ATP8A2: variants seen among roughly 807,000 people sequenced by gnomAD.
The protein encoded by ATP8A2 is phospholipid-transporting ATPase IB.
ATP8A2 carries 100 observed loss-of-function variants against 165.6 expected under a neutral mutation model. That is an observed-to-expected ratio of 0.60 (90% confidence interval 0.51 to 0.71). ATP8A2 has a LOEUF of 0.71. ATP8A2 is among the 30% of genes least tolerant of loss of function. The pLI is 0.00. For synonymous variants in ATP8A2, 543 were observed against 548.8 expected, an observed-to-expected ratio of 0.99 and a Z score of 0.15; for missense variants, 1,227 against 1,479.5, an observed-to-expected ratio of 0.83 and a Z score of 2.80.
chr13:25,721,512 A>G (rs1393485885), intron 25 of ATP8A2, among the ~76,000 whole-genome samples: 1 of 152,162 alleles, frequency 6.6e-6, no homozygotes, highest in African/African-American at 2.4e-5. Context: ...TCTTTAATCC[A>G]TTTTGACTTG....
At chr13:25,657,712 A>G (rs563994647) in intron 24 of ATP8A2, among the ~76,000 whole-genome samples, 1 of 152,358 alleles carries the variant, frequency 6.6e-6, no homozygotes, top group South Asian at 2.1e-4. Flanking sequence ...TTACTCTAGA[A>G]TCTTTGGGTA....
rs1298874729 is a variant in ATP8A2, at chr13:25,839,584, C to G, written c.2916C>G (p.Ser972=). 1 of 1,614,080 alleles carries G rather than the reference C, an allele frequency of 6.2e-7. No individual in the cohort carries two copies. Among genetic ancestry groups the G allele is most frequent in the East Asian group, 2.2e-5 (1 of 44,866 alleles). The part of the protein sequence containing the change: ...WGHCINALVH[S]LILFWFPMKA... ...ACTGCATCAACGCCTTGGTCCACTC[C>G]CTCATCCTCTTCTGGTTTCCCATGA... Residue 972 remains serine (S), a synonymous_variant, in exon 30 of 37, where the codon TCC becomes TCG. Transcript: ENST00000381655.
chr13:25,675,876 C>T (rs2042362050), intron 24 of ATP8A2, among the ~76,000 whole-genome samples: 3 of 152,154 alleles, frequency 2.0e-5, no homozygotes, highest in South Asian at 2.1e-4. Context: ...TTAATCATTT[C>T]CCCCTTTGAT....
intron 24 of ATP8A2, among the ~76,000 whole-genome samples, chr13:25,608,248 C>T (rs2040568759): frequency 6.6e-6 from 1 of 152,130 alleles, no homozygotes; most frequent in Non-Finnish European, 1.5e-5. Context: ...GGGCCTGAAC[C>T]CCACAATGGG....
At chr13:25,836,560 C>T (rs890274562) in intron 28 of ATP8A2, among the ~76,000 whole-genome samples, 2 of 152,176 alleles carry the variant, frequency 1.3e-5, no homozygotes, top group African/African-American at 4.8e-5. Context: ...CAGAGCTCCG[C>T]GTTTTGTATA....
At chr13:25,744,326 C>A (rs989739625) in intron 25 of ATP8A2, among the ~76,000 whole-genome samples, 3 of 146,778 alleles carry the variant, frequency 2.0e-5, no homozygotes, top group Admixed American at 1.3e-4. Flanking sequence ...TCACTCACCA[C>A]CCCCCCGTGT....
intron 25 of ATP8A2, among the ~76,000 whole-genome samples, chr13:25,713,238 G>C (rs2043189038): frequency 6.6e-6 from 1 of 152,136 alleles, no homozygotes; most frequent in African/African-American, 2.4e-5. Flanking sequence ...TAACTTGAAA[G>C]GCATTTTTTA....
chr13:25,547,123 C>T lies in ATP8A2; in HGVS notation c.891+3721C>T, dbSNP rs1476612895. On this transcript the variant is annotated intron_variant, in intron 10 of 36. Transcript: ENST00000381655. ...CCAGCCTGGGTGACAGAGCCAGGCT[C>T]CGTCTCGAAATAAATAAATAAATAA... 1.5e-4 allele frequency among the ~76,000 whole-genome samples: 22 copies of T among 151,676 alleles called. 1 individual carries two copies. Among genetic ancestry groups the T allele is most frequent in the Admixed American group, 1.4e-3 (22 of 15,210 alleles).
intron 2 of ATP8A2, among the ~76,000 whole-genome samples, chr13:25,481,012 C>A (rs951431300): frequency 1.1e-4 from 16 of 152,160 alleles, no homozygotes; most frequent in Non-Finnish European, 2.2e-4. Context: ...GAAAACCAGT[C>A]AGGCGTGGCA....
intron 24 of ATP8A2, among the ~76,000 whole-genome samples, chr13:25,628,942 A>G (rs1289596262): frequency 6.6e-6 from 1 of 152,094 alleles, no homozygotes; most frequent in Non-Finnish European, 1.5e-5. Context: ...CATGAGAGGG[A>G]ACATCACATC....
intron 27 of ATP8A2, among the ~76,000 whole-genome samples, chr13:25,808,289 C>T (rs1295274214): frequency 6.6e-6 from 1 of 151,858 alleles, no homozygotes; most frequent in Non-Finnish European, 1.5e-5. Context: ...ACTACCATGT[C>T]CAGCTAAATG....
intron 3 of ATP8A2, 36 bp from the exon 4 acceptor site, chr13:25,530,526 G>A (rs1165438738): frequency 1.6e-6 from 2 of 1,274,124 alleles, no homozygotes; most frequent in Non-Finnish European, 2.2e-6. Flanking sequence ...GATTTTTAAT[G>A]TGCCAACTTC....
chr13:25,904,761 ACAC>A lies in ATP8A2; in HGVS notation c.3183+42356_3183+42358del, dbSNP rs1953879841. On this transcript the variant is annotated intron_variant, in intron 33 of 36. Coordinates refer to ENST00000381655, the MANE Select transcript of ATP8A2 (RefSeq NM_016529.6). ...ACATTGTGTGTCATATCCATATCCTACACCATTGGAGTTCCTCATTCTCTCATC... is the reference window on the plus strand; with the variant it reads ...ACATTGTGTGTCATATCCATATCCTACATTGGAGTTCCTCATTCTCTCATC... Among the ~76,000 whole-genome samples, 8 of 152,278 alleles carry A rather than the reference ACAC, an allele frequency of 5.3e-5. No individual in the cohort carries two copies. In the South Asian group the frequency reaches 1.5e-3, roughly 28 times the overall value.
chr13:25,744,362 G>A (rs562613917), intron 25 of ATP8A2, among the ~76,000 whole-genome samples: 3 of 151,738 alleles, frequency 2.0e-5, no homozygotes, highest in East Asian at 3.9e-4. Context: ...TCTGTGAGCC[G>A]GTGGCTCAGC....
chr13:25,590,143 G>T (rs1161741020), intron 24 of ATP8A2, among the ~76,000 whole-genome samples: 1 of 152,174 alleles, frequency 6.6e-6, no homozygotes, highest in African/African-American at 2.4e-5. Context: ...TATATAGTGA[G>T]GCCAGGTGCA....
chr13:25,631,013 A>G (rs1421739835), intron 24 of ATP8A2, among the ~76,000 whole-genome samples: 1 of 152,190 alleles, frequency 6.6e-6, no homozygotes, highest in African/African-American at 2.4e-5. Flanking sequence ...CTGTATTGTC[A>G]TAGCTTAATT....
At chr13:25,417,091 T>C (rs762840750) in intron 1 of ATP8A2, among the ~76,000 whole-genome samples, 1 of 152,150 alleles carries the variant, frequency 6.6e-6, no homozygotes, top group Non-Finnish European at 1.5e-5. Context: ...ACTTTAATTA[T>C]GAAGTATTGA....
At chr13:25,962,618 G>T (rs200208649) in intron 34 of ATP8A2, among the ~76,000 whole-genome samples, 1 of 152,132 alleles carries the variant, frequency 6.6e-6, no homozygotes, top group East Asian at 1.9e-4. Context: ...ACAAATAGGT[G>T]CCAACTTCTC....
At chr13:25,410,860 C>T (rs1047739849) in intron 1 of ATP8A2, among the ~76,000 whole-genome samples, 9 of 152,240 alleles carry the variant, frequency 5.9e-5, no homozygotes, top group African/African-American at 2.2e-4. Context: ...ATTCTACTCC[C>T]TTCTAGGCCT....
Sources: gnomAD v4.1 joint callset for allele counts (sites outside exome capture counted in the v4.1 genomes callset) on GRCh38, gnomAD v4.1.1 for gene constraint, MANE v1.5 for transcripts, NCBI Gene and HGNC (gene_info 2026-07-23, HGNC 2026-07-21) for gene names.